The following DOCK2 variants were observed in gnomAD, a reference collection of about 807,000 sequenced individuals.
DOCK2 encodes dedicator of cytokinesis 2, also known as dedicator of cytokinesis protein 2.
DOCK2 carries 87 observed loss-of-function variants against 248.9 expected under a neutral mutation model. The observed-to-expected ratio is 0.35, with a 90% CI of 0.29 to 0.42. DOCK2 has a LOEUF of 0.42. Among genes scored for constraint, DOCK2 ranks in the 10% least tolerant of loss-of-function variants. DOCK2 has a pLI of 1.00. For missense variants in DOCK2, 1,747 were observed against 2,300.2 expected (o/e 0.76, Z 4.92); for synonymous variants, 805 against 821.6 (o/e 0.98, Z 0.35).
chr5:169,660,169 G>A (rs1483608769), intron 2 of DOCK2, among the ~76,000 whole-genome samples: 2 of 152,180 alleles, frequency 1.3e-5, no homozygotes, highest in African/African-American at 4.8e-5. Context: ...GTGTTTGGAT[G>A]TAGTTTTGGG....
At position 169,985,875 on chromosome 5, in the gene DOCK2, G is replaced by A. The variant is rs36028557; in HGVS notation, c.2946G>A (p.Lys982=). The part of the protein sequence containing the change: ...TFIMFKDLIG[K]NVYPGDWMAM... ...TCATGTTCAAGGACCTCATTGGAAA[G>A]AACGTGTACCCTGGAGACTGGATGG... Residue 982 remains lysine, a synonymous_variant, in exon 29 of 52, where the codon AAG becomes AAA. Coordinates refer to ENST00000520908, the MANE Select transcript of DOCK2 (RefSeq NM_004946.3). 4,542 of 1,610,970 alleles carry A rather than the reference G, an allele frequency of 2.8e-3. 93 individuals carry two copies. In the African/African-American group the frequency reaches 0.05, roughly 18 times the overall value.
intron 27 of DOCK2, among the ~76,000 whole-genome samples, chr5:169,896,922 G>T (rs2113562264): frequency 6.6e-6 from 1 of 152,268 alleles, no homozygotes; most frequent in Admixed American, 6.5e-5. Flanking sequence ...GAAAAACTGA[G>T]CATCAACTTT....
intron 2 of DOCK2, among the ~76,000 whole-genome samples, chr5:169,655,745 T>C (rs1001174205): frequency 5.9e-5 from 9 of 152,146 alleles, no homozygotes; most frequent in Non-Finnish European, 1.0e-4. Flanking sequence ...TATACACATA[T>C]GCATACCTGT....
At chr5:169,743,245 A>G (rs1407721293) in intron 22 of DOCK2, among the ~76,000 whole-genome samples, 2 of 152,068 alleles carry the variant, frequency 1.3e-5, no homozygotes, top group African/African-American at 2.4e-5. Context: ...ACCCTTATGA[A>G]TTTTTTTCCT....
At chr5:169,961,547 G>A (rs1777085644) in intron 27 of DOCK2, among the ~76,000 whole-genome samples, 1 of 152,188 alleles carries the variant, frequency 6.6e-6, no homozygotes, top group Non-Finnish European at 1.5e-5. Context: ...AAACATGGTG[G>A]ACTAAGCAGA....
chr5:169,843,846 T>G (rs1323209653), intron 27 of DOCK2, among the ~76,000 whole-genome samples: 2 of 152,340 alleles, frequency 1.3e-5, no homozygotes, highest in East Asian at 3.9e-4. Context: ...TAGCATAATG[T>G]TTTTGAGGTT....
intron 26 of DOCK2, among the ~76,000 whole-genome samples, chr5:169,837,704 G>A (rs1769677503): frequency 1.3e-5 from 2 of 152,118 alleles, no homozygotes; most frequent in Non-Finnish European, 2.9e-5. Context: ...ACTCAGAGAG[G>A]AAAAGCAATT....
intron 25 of DOCK2, chr5:169,772,971 AGGAC>A (rs1765176103): frequency 6.6e-6 from 1 of 152,186 alleles, no homozygotes. Context: ...ATCGATTTTG[AGGAC>A]AAGTTTTTTC....
At chr5:169,924,769 T>G (rs1775346994) in intron 27 of DOCK2, among the ~76,000 whole-genome samples, 1 of 152,222 alleles carries the variant, frequency 6.6e-6, no homozygotes, top group Non-Finnish European at 1.5e-5. Flanking sequence ...TTCTTTTCTT[T>G]TCTTTTTTCA....
intron 27 of DOCK2, among the ~76,000 whole-genome samples, chr5:169,889,446 C>G (rs1773161815): frequency 6.6e-6 from 1 of 152,178 alleles, no homozygotes. Flanking sequence ...TAAGAAAGGA[C>G]CTTGTAATGC....
intron 28 of DOCK2, among the ~76,000 whole-genome samples, chr5:169,983,439 G>A (rs1777990256): frequency 6.6e-6 from 1 of 152,174 alleles, no homozygotes; most frequent in South Asian, 2.1e-4. Flanking sequence ...GTAAAGTGGG[G>A]ATAATGTCAT....
intron 22 of DOCK2, among the ~76,000 whole-genome samples, chr5:169,732,100 C>G (rs1375076532): frequency 6.6e-6 from 1 of 152,194 alleles, no homozygotes; most frequent in African/African-American, 2.4e-5. Context: ...GCCTGGGTGA[C>G]AGAGTGAGAC....
At chr5:169,803,029 T>G in intron 25 of DOCK2, 29 bp from the exon 26 acceptor site, 1 of 1,607,584 alleles carries the variant, frequency 6.2e-7, no homozygotes. Context: ...TGAGGAATTC[T>G]ACACTACTCT....
intron 51 of DOCK2, 106 bp downstream of exon 51, chr5:170,082,090 T>A (rs1758055202): frequency 1.4e-6 from 2 of 1,467,158 alleles, no homozygotes; most frequent in Admixed American, 2.0e-5. Flanking sequence ...ATGTGGTCAT[T>A]CCTAGGGAGG....
chr5:169,731,333 TG>T (rs1173005291), intron 22 of DOCK2, among the ~76,000 whole-genome samples: 1 of 152,176 alleles, frequency 6.6e-6, no homozygotes, highest in East Asian at 1.9e-4. Flanking sequence ...GTCTTTTCTG[TG>T]CTGTTCTCAT....
chr5:169,962,195 G>A (rs1777116353), intron 27 of DOCK2, among the ~76,000 whole-genome samples: 1 of 152,046 alleles, frequency 6.6e-6, no homozygotes, highest in Non-Finnish European at 1.5e-5. Context: ...AGGGGAGGGA[G>A]CAAGATTGGA....
At chr5:169,706,392 G>C (rs1056112602) in intron 14 of DOCK2, among the ~76,000 whole-genome samples, 7 of 152,218 alleles carry the variant, frequency 4.6e-5, no homozygotes, top group African/African-American at 1.4e-4. Context: ...AGTATTTAGA[G>C]GGTCTGTGAT....
intron 26 of DOCK2, among the ~76,000 whole-genome samples, chr5:169,833,181 C>G (rs1448468727): frequency 1.3e-5 from 2 of 152,068 alleles, no homozygotes; most frequent in Non-Finnish European, 2.9e-5. Context: ...AAACCTTAGA[C>G]ATTTACATGA....
At chr5:169,724,530 C>G (rs1002077315) in intron 22 of DOCK2, among the ~76,000 whole-genome samples, 1 of 152,068 alleles carries the variant, frequency 6.6e-6, no homozygotes, top group African/African-American at 2.4e-5. Context: ...CTCCCTACCC[C>G]CGAGAGCCGA....
Sources: allele counts gnomAD v4.1 joint callset (sites outside exome capture counted in the v4.1 genomes callset), GRCh38; gene constraint gnomAD v4.1.1; transcripts MANE v1.5; gene names NCBI Gene and HGNC (gene_info 2026-07-23, HGNC 2026-07-21).